RBFOX1: variants seen among roughly 807,000 people sequenced by gnomAD.
The protein encoded by RBFOX1 is RNA binding protein fox-1 homolog 1.
RBFOX1 carries 8 observed loss-of-function variants against 57.7 expected under a neutral mutation model. The observed-to-expected ratio is 0.14, with a 90% CI of 0.08 to 0.25. RBFOX1 has a LOEUF of 0.25. Ranked by LOEUF, RBFOX1 falls within the 10% of genes least tolerant of loss-of-function variation. The pLI is 1.00. For synonymous variants in RBFOX1, 326 were observed against 222.4 expected, an observed-to-expected ratio of 1.47 and a Z score of -4.15; for missense variants, 611 against 548.5, an observed-to-expected ratio of 1.11 and a Z score of -1.14.
chr16:6,290,477 A>C (rs56308757), intron 1 of RBFOX1, among the ~76,000 whole-genome samples: 21,740 of 151,662 alleles, frequency 0.14, 1 homozygote, highest in Non-Finnish European at 0.18. Flanking sequence ...GAAAGTGAGC[A>C]TCAGTCACTT....
intron 3 of RBFOX1, among the ~76,000 whole-genome samples, chr16:6,819,170 G>C (rs1277557033): frequency 1.3e-5 from 2 of 152,126 alleles, no homozygotes; most frequent in African/African-American, 4.8e-5. Context: ...TGTGAGCCTT[G>C]TACACTGGAG....
At chr16:6,190,903 C>G (rs1355361088) in intron 1 of RBFOX1, among the ~76,000 whole-genome samples, 1 of 152,136 alleles carries the variant, frequency 6.6e-6, no homozygotes, top group African/African-American at 2.4e-5. Flanking sequence ...TGTGGTGTGA[C>G]TGTAAGTGAG....
intron 3 of RBFOX1, among the ~76,000 whole-genome samples, chr16:6,782,946 T>C (rs1165773942): frequency 6.6e-6 from 1 of 152,318 alleles, no homozygotes; most frequent in East Asian, 1.9e-4. Context: ...ACAGTTCTTA[T>C]ATCCTGTTGC....
chr16:5,553,343 T>G (rs2045539716), intron 2 of RBFOX1, among the ~76,000 whole-genome samples: 1 of 147,988 alleles, frequency 6.8e-6, no homozygotes, highest in Admixed American at 6.8e-5. Context: ...TGAGATGGAG[T>G]CTCACTCTTT....
intron 2 of RBFOX1, among the ~76,000 whole-genome samples, chr16:5,557,846 G>A (rs571992463): frequency 2.4e-4 from 36 of 152,176 alleles, no homozygotes; most frequent in Non-Finnish European, 4.4e-4. Flanking sequence ...CATGCCCCTC[G>A]TCCTGGCCCC....
chr16:7,712,230 A>G lies in RBFOX1; in HGVS notation c.*1485A>G, dbSNP rs1383334691. 6.6e-6 allele frequency: 1 copy of G among 152,602 alleles called. No individual in the cohort carries two copies. Among genetic ancestry groups the G allele is most frequent in the Non-Finnish European group, 1.5e-5 (1 of 68,068 alleles). 9.5% of individuals were successfully genotyped at this position (152,602 alleles called of 1,614,324 possible). On this transcript the variant is annotated 3_prime_UTR_variant, in exon 16 of 16. Transcript: ENST00000550418. ...TCTTCCTGTTTTGTATTTAAATAAA[A>G]ACAACAGCAGCAGGCTGTCCCTGAG...
intron 2 of RBFOX1, among the ~76,000 whole-genome samples, chr16:6,610,110 G>T (rs1041971051): frequency 2.0e-5 from 3 of 152,124 alleles, no homozygotes; most frequent in African/African-American, 7.2e-5. Flanking sequence ...AACGGAGGTA[G>T]ATGACATTCA....
chr16:6,522,879 T>C (rs957806338), intron 2 of RBFOX1, among the ~76,000 whole-genome samples: 1 of 152,158 alleles, frequency 6.6e-6, no homozygotes, highest in African/African-American at 2.4e-5. Flanking sequence ...ACACTCTTTG[T>C]TTCTCTTCCT....
intron 3 of RBFOX1, among the ~76,000 whole-genome samples, chr16:7,045,775 C>T (rs1442449188): frequency 2.6e-5 from 4 of 152,086 alleles, no homozygotes; most frequent in Non-Finnish European, 5.9e-5. Context: ...CTTGCCTCAG[C>T]CTCCTGAGTA....
At chr16:5,858,223 C>T (rs1436382) in intron 3 of RBFOX1, among the ~76,000 whole-genome samples, 91,090 of 151,978 alleles carry the variant, frequency 0.6, 27,672 homozygotes, top group African/African-American at 0.67. Flanking sequence ...ACCCCAAAGA[C>T]AGCAGGTTAC....
chr16:6,874,336 C>G, intron 3 of RBFOX1, among the ~76,000 whole-genome samples: 1 of 151,862 alleles, frequency 6.6e-6, no homozygotes, highest in Non-Finnish European at 1.5e-5. Flanking sequence ...CATGATGAAA[C>G]TGCATCTCCA....
At chr16:7,663,719 C>T (rs377435905) in intron 12 of RBFOX1, among the ~76,000 whole-genome samples, 5 of 151,962 alleles carry the variant, frequency 3.3e-5, no homozygotes, top group African/African-American at 7.3e-5. Context: ...GGGAAGGTAT[C>T]GGGGAAGATT....
At chr16:6,982,445 T>G (rs2089175257) in intron 3 of RBFOX1, among the ~76,000 whole-genome samples, 1 of 152,142 alleles carries the variant, frequency 6.6e-6, no homozygotes, top group Non-Finnish European at 1.5e-5. Context: ...TTAAGTCCTT[T>G]CATTGCAGCG....
chr16:7,225,920 A>ATATATATATAT (rs71147674), intron 4 of RBFOX1, among the ~76,000 whole-genome samples: 5 of 140,916 alleles, frequency 3.5e-5, no homozygotes, highest in Non-Finnish European at 4.6e-5. Flanking sequence ...ATATATATAT[A>ATATATATATAT]AATGTGAATG....
chr16:7,621,741 G>T (rs1418874725), intron 10 of RBFOX1, among the ~76,000 whole-genome samples: 1 of 152,172 alleles, frequency 6.6e-6, no homozygotes, highest in East Asian at 1.9e-4. Flanking sequence ...AAGGGCTAAT[G>T]GTGTACTGAG....
chr16:6,435,736 C>G (rs1419195390), intron 2 of RBFOX1, among the ~76,000 whole-genome samples: 1 of 152,128 alleles, frequency 6.6e-6, no homozygotes. Context: ...ATAATGTTTG[C>G]AAGATTTTAT....
chr16:7,120,509 T>C (rs1346869346), intron 4 of RBFOX1, among the ~76,000 whole-genome samples: 1 of 151,880 alleles, frequency 6.6e-6, no homozygotes, highest in Admixed American at 6.6e-5. Context: ...TCAAATAATC[T>C]ATGCACATGT....
chr16:7,216,394 C>T (rs1340314758), intron 4 of RBFOX1, among the ~76,000 whole-genome samples: 2 of 152,132 alleles, frequency 1.3e-5, no homozygotes, highest in Admixed American at 6.5e-5. Context: ...GTGGCTCATG[C>T]CTGTAATCCC....
chr16:6,581,492 C>G (rs1291565378), intron 2 of RBFOX1, among the ~76,000 whole-genome samples: 3 of 152,190 alleles, frequency 2.0e-5, no homozygotes, highest in Non-Finnish European at 2.9e-5. Flanking sequence ...CCATGCAGAC[C>G]TCTACCCTGG....
Sources: gnomAD v4.1 joint callset for allele counts (sites outside exome capture counted in the v4.1 genomes callset) on GRCh38, gnomAD v4.1.1 for gene constraint, MANE v1.5 for transcripts, NCBI Gene and HGNC (gene_info 2026-07-23, HGNC 2026-07-21) for gene names.